The following VPS13B variants were observed in gnomAD, a reference collection of about 807,000 sequenced individuals.
VPS13B encodes intermembrane lipid transfer protein VPS13B.
In VPS13B, 285 loss-of-function variants were observed where a neutral mutation model predicts 426.4. The ratio of observed to expected loss-of-function variants is 0.67; its 90% CI spans 0.61 to 0.74. VPS13B has a LOEUF of 0.74. Among genes scored for constraint, VPS13B ranks in the 30% least tolerant of loss-of-function variants. The pLI, the probability that VPS13B is intolerant of heterozygous loss-of-function variation, is 0.00. For missense variants in VPS13B, 4,537 were observed against 4,782.6 expected, an observed-to-expected ratio of 0.95 and a Z score of 1.51; for synonymous variants, 1,676 against 1,676.4, an observed-to-expected ratio of 1.00 and a Z score of 0.01.
At chr8:99,295,738 G>A (rs13260290) in intron 19 of VPS13B, among the ~76,000 whole-genome samples, 2 of 152,112 alleles carry the variant, frequency 1.3e-5, no homozygotes, top group African/African-American at 4.8e-5. Flanking sequence ...ATCAAAATTT[G>A]AAGTAGAAGG....
chr8:99,819,028 T>A lies in VPS13B; in HGVS notation c.8621+140T>A, dbSNP rs1009975970. On this transcript the variant is annotated intron_variant, in intron 47 of 61. Transcript: ENST00000357162. The stretch of plus-strand genomic sequence containing the variant: ...GGAGTTTTTTGTATGATTTCTTATC[T>A]TATGAGAATGTTATTTTAAAATTGC... 3.4e-6 allele frequency: 3 copies of A among 875,424 alleles called. No individual in the cohort carries two copies. The African/African-American group carries it at 5.1e-5, about 15-fold the overall frequency. The allele number at this position is 875,424 out of a possible 1,614,324, so 54.2% of individuals were successfully genotyped here. A position where few individuals can be genotyped will look rare whatever the true frequency, so the allele number is the denominator to read the frequency against.
At chr8:99,623,761 T>C (rs746807439) in intron 33 of VPS13B, among the ~76,000 whole-genome samples, 2 of 152,104 alleles carry the variant, frequency 1.3e-5, no homozygotes, top group Non-Finnish European at 2.9e-5. Context: ...TTGGCTGAGA[T>C]CAAGTGTAGG....
At chr8:99,450,094 T>C (rs1320552434) in intron 23 of VPS13B, among the ~76,000 whole-genome samples, 1 of 152,078 alleles carries the variant, frequency 6.6e-6, no homozygotes. Context: ...TAAGCCAACG[T>C]GCCCAGCAAG....
intron 30 of VPS13B, among the ~76,000 whole-genome samples, chr8:99,544,854 CAG>C (rs1323127421): frequency 6.6e-6 from 1 of 152,158 alleles, no homozygotes; most frequent in Admixed American, 6.6e-5. Flanking sequence ...TTACAGGTTA[CAG>C]AGTACTTTTT....
At chr8:99,430,882 C>A (rs1817068348) in intron 21 of VPS13B, among the ~76,000 whole-genome samples, 1 of 152,044 alleles carries the variant, frequency 6.6e-6, no homozygotes, top group Admixed American at 6.6e-5. Context: ...CCATGTCTGG[C>A]TACTTTTGTA....
chr8:99,794,400 A>G (rs562795420), intron 43 of VPS13B, among the ~76,000 whole-genome samples: 2 of 152,318 alleles, frequency 1.3e-5, no homozygotes, highest in African/African-American at 4.8e-5. Context: ...AGACATTTCC[A>G]TGTATAAAAG....
chr8:99,013,772 A>C lies in VPS13B; in HGVS notation c.-17A>C. ...CTACTCCTTTCAGCTTCCGACTTCG[A>C]CTCCTTACCTTAAAAGATGCTGGAG... is the stretch of plus-strand genomic sequence containing the variant. On this transcript the variant is annotated 5_prime_UTR_variant, in exon 2 of 62. Transcript: ENST00000357162. 10 of 1,613,342 alleles carry C rather than the reference A, an allele frequency of 6.2e-6. No homozygotes were observed. The highest frequency in any genetic ancestry group is 8.5e-6 in the Non-Finnish European group (10 of 1,179,838).
intron 34 of VPS13B, among the ~76,000 whole-genome samples, chr8:99,653,296 C>G (rs942434760): frequency 3.3e-5 from 5 of 152,080 alleles, no homozygotes; most frequent in African/African-American, 1.2e-4. Context: ...AGTGCCCTGG[C>G]CTTTGTGACT....
intron 59 of VPS13B, 32 bp from the exon 60 acceptor site, chr8:99,870,750 CAAG>C (rs1374010792): frequency 1.3e-6 from 2 of 1,596,534 alleles, no homozygotes; most frequent in Non-Finnish European, 1.7e-6. Context: ...TTCCAGAAAA[CAAG>C]TAGTAAAACT....
intron 39 of VPS13B, among the ~76,000 whole-genome samples, chr8:99,735,772 G>C (rs1008710214): frequency 2.0e-5 from 3 of 152,186 alleles, no homozygotes; most frequent in African/African-American, 7.2e-5. Flanking sequence ...GAAAGCCCAG[G>C]CATAGTGAAA....
chr8:99,639,103 T>G (rs562369550), intron 33 of VPS13B, among the ~76,000 whole-genome samples: 1 of 152,344 alleles, frequency 6.6e-6, no homozygotes, highest in South Asian at 2.1e-4. Context: ...GGAGTTATTA[T>G]CCTCATTTTA....
At position 99,069,376 on chromosome 8, in the gene VPS13B, G is replaced by A. The variant is rs1386508804; in HGVS notation, c.292-26936G>A. Among the ~76,000 whole-genome samples, 3 of 152,336 alleles carry A rather than the reference G, an allele frequency of 2.0e-5. No homozygotes were observed. The East Asian group carries it at 5.8e-4, about 29-fold the overall frequency. ...TTGAGCCAGGAAGGTTGATACTGCT[G>A]TGAGCTGTGATCACACCACTGCCAG... On this transcript the variant is annotated intron_variant, in intron 3 of 61. Transcript: ENST00000357162.
chr8:99,141,720 C>T (rs1046535453), intron 12 of VPS13B, among the ~76,000 whole-genome samples: 5 of 151,698 alleles, frequency 3.3e-5, no homozygotes, highest in African/African-American at 7.3e-5. Context: ...TGCACTAAGT[C>T]GTCTGGTTAA....
chr8:99,517,897 T>C (rs961282523), intron 29 of VPS13B, among the ~76,000 whole-genome samples: 7 of 152,078 alleles, frequency 4.6e-5, no homozygotes, highest in Non-Finnish European at 5.9e-5. Flanking sequence ...CAAGGCACTT[T>C]CATGTATAAA....
At chr8:99,752,804 G>A (rs1342332155) in intron 39 of VPS13B, among the ~76,000 whole-genome samples, 1 of 152,142 alleles carries the variant, frequency 6.6e-6, no homozygotes, top group Non-Finnish European at 1.5e-5. Flanking sequence ...AATTTTGAAA[G>A]AACCAACTAT....
intron 33 of VPS13B, among the ~76,000 whole-genome samples, chr8:99,630,840 C>G (rs1213774484): frequency 6.6e-6 from 1 of 152,058 alleles, no homozygotes; most frequent in Admixed American, 6.6e-5. Flanking sequence ...AACTAAGGAA[C>G]TCTTGCAAGT....
At chr8:99,084,003 TA>T (rs547985750) in intron 3 of VPS13B, among the ~76,000 whole-genome samples, 92 of 152,306 alleles carry the variant, frequency 6.0e-4, no homozygotes, top group African/African-American at 2.1e-3. Flanking sequence ...CCTCTTTTTC[TA>T]TTGATTGGAA....
chr8:99,811,640 G>A (rs1157922414), intron 44 of VPS13B, among the ~76,000 whole-genome samples: 4 of 152,162 alleles, frequency 2.6e-5, no homozygotes, highest in Non-Finnish European at 4.4e-5. Context: ...ACATTTATCA[G>A]TTACTGAAAT....
At chr8:99,812,615 C>T (rs756509933) in intron 44 of VPS13B, among the ~76,000 whole-genome samples, 29 of 152,216 alleles carry the variant, frequency 1.9e-4, no homozygotes, top group Non-Finnish European at 3.4e-4. Context: ...GAAAATTGAC[C>T]ACAGAAAATT....
Sources: gnomAD v4.1 joint callset for allele counts (sites outside exome capture counted in the v4.1 genomes callset) on GRCh38, gnomAD v4.1.1 for gene constraint, MANE v1.5 for transcripts, NCBI Gene and HGNC (gene_info 2026-07-23, HGNC 2026-07-21) for gene names.